The following ELP3 variants were observed in gnomAD, a reference collection of about 807,000 sequenced individuals.
ELP3 encodes elongator acetyltransferase complex subunit 3.
A neutral mutation model predicts 74.9 loss-of-function variants in ELP3; 56 were observed. The ratio of observed to expected loss-of-function variants is 0.75; its 90% CI spans 0.60 to 0.93. The LOEUF is 0.93. ELP3 is among the 40% of genes least tolerant of loss of function. The pLI, the probability that ELP3 is intolerant of heterozygous loss-of-function variation, is 0.00. For missense variants in ELP3, 573 were observed against 686.5 expected, an observed-to-expected ratio of 0.83 and a Z score of 1.85; for synonymous variants, 222 against 239.8, an observed-to-expected ratio of 0.93 and a Z score of 0.68.
chr8:28,151,569 T>A (rs977160277), intron 10 of ELP3, among the ~76,000 whole-genome samples: 1 of 152,220 alleles, frequency 6.6e-6, no homozygotes, highest in Non-Finnish European at 1.5e-5. Flanking sequence ...AGTAACCCGA[T>A]GGTAAGATGA....
chr8:28,178,025 G>C (rs1447196179), intron 14 of ELP3, among the ~76,000 whole-genome samples: 1 of 152,190 alleles, frequency 6.6e-6, no homozygotes, highest in East Asian at 1.9e-4. Flanking sequence ...ACATAGTTGA[G>C]ATTATTTAAT....
At chr8:28,143,308 G>C (rs1045925513) in intron 10 of ELP3, among the ~76,000 whole-genome samples, 7 of 152,056 alleles carry the variant, frequency 4.6e-5, no homozygotes, top group Non-Finnish European at 4.4e-5. Flanking sequence ...ACAGTCTGTA[G>C]AATATTACTA....
chr8:28,176,904 A>G (rs562339800), intron 14 of ELP3, among the ~76,000 whole-genome samples: 1 of 152,298 alleles, frequency 6.6e-6, no homozygotes, highest in South Asian at 2.1e-4. Flanking sequence ...GGGCCATCCT[A>G]TGTCACATCA....
chr8:28,102,555 C>T (rs1038949937), intron 3 of ELP3, among the ~76,000 whole-genome samples: 2 of 152,164 alleles, frequency 1.3e-5, no homozygotes, highest in African/African-American at 4.8e-5. Flanking sequence ...CTGCCATTCT[C>T]ACCTCCATGC....
At chr8:28,149,837 G>A (rs977152954) in intron 10 of ELP3, among the ~76,000 whole-genome samples, 12 of 151,938 alleles carry the variant, frequency 7.9e-5, no homozygotes, top group Non-Finnish European at 1.3e-4. Flanking sequence ...TGCTGCCCTC[G>A]TTCTTTGTTT....
intron 14 of ELP3, among the ~76,000 whole-genome samples, chr8:28,165,743 A>C (rs1814280651): frequency 6.6e-6 from 1 of 152,208 alleles, no homozygotes; most frequent in Non-Finnish European, 1.5e-5. Flanking sequence ...GCCTCTAGAC[A>C]ATATTATGAA....
At chr8:28,187,613 C>T (rs1057468686) in intron 14 of ELP3, among the ~76,000 whole-genome samples, 4 of 152,196 alleles carry the variant, frequency 2.6e-5, no homozygotes, top group African/African-American at 7.2e-5. Context: ...TCCCTAGAAT[C>T]CTGTCCCCCC....
At chr8:28,128,124 C>A (rs191761023) in intron 7 of ELP3, among the ~76,000 whole-genome samples, 1 of 152,052 alleles carries the variant, frequency 6.6e-6, no homozygotes, top group Non-Finnish European at 1.5e-5. Context: ...ATCCTCCCCC[C>A]AAAATTGAGA....
intron 7 of ELP3, among the ~76,000 whole-genome samples, chr8:28,123,277 G>A (rs1396107708): frequency 1.3e-5 from 2 of 152,278 alleles, no homozygotes; most frequent in South Asian, 4.1e-4. Flanking sequence ...TTTGATCCAT[G>A]GAATGTATAG....
intron 9 of ELP3, among the ~76,000 whole-genome samples, chr8:28,135,810 T>A (rs1395046276): frequency 6.6e-6 from 1 of 152,204 alleles, no homozygotes; most frequent in Non-Finnish European, 1.5e-5. Context: ...TGTCTCCTTT[T>A]GCTATTTTCT....
intron 10 of ELP3, among the ~76,000 whole-genome samples, chr8:28,154,282 C>A (rs1813746496): frequency 6.6e-6 from 1 of 152,118 alleles, no homozygotes; most frequent in Non-Finnish European, 1.5e-5. Context: ...CTCACAGGAA[C>A]CTAACCCTGT....
chr8:28,189,237 G>A (rs1292362065), intron 14 of ELP3, among the ~76,000 whole-genome samples: 4 of 152,206 alleles, frequency 2.6e-5, no homozygotes, highest in Admixed American at 6.5e-5. Flanking sequence ...CTGGGAAACC[G>A]TCTATCGTTT....
chr8:28,096,096 G>T (rs559625973), intron 1 of ELP3, among the ~76,000 whole-genome samples: 1 of 152,160 alleles, frequency 6.6e-6, no homozygotes, highest in Non-Finnish European at 1.5e-5. Context: ...GTTGTGAACC[G>T]TGCATGTGGT....
At chr8:28,121,187 A>C (rs372135537) in intron 7 of ELP3, among the ~76,000 whole-genome samples, 1 of 152,246 alleles carries the variant, frequency 6.6e-6, no homozygotes, top group East Asian at 1.9e-4. Context: ...TAGGTTTTTA[A>C]ATTCTCTTAG....
intron 2 of ELP3, 83 bp from the exon 3 acceptor site, chr8:28,099,742 TTAA>T: frequency 6.9e-7 from 1 of 1,440,476 alleles, no homozygotes; most frequent in Non-Finnish European, 9.7e-7. Flanking sequence ...GTGACAGTTG[TTAA>T]TGATGTTGTT....
intron 7 of ELP3, among the ~76,000 whole-genome samples, chr8:28,120,686 A>ATGTGAAGCT (rs1183836943): frequency 5.9e-5 from 9 of 152,190 alleles, no homozygotes; most frequent in Non-Finnish European, 1.3e-4. Context: ...GCTTTCACTT[A>ATGTGAAGCT]CAGGTTTATG....
Position 28,175,287 on chromosome 8 carries a change from A to G in ELP3, c.1567+13209A>G, listed in dbSNP as rs146219168. On this transcript the variant is annotated intron_variant, in intron 14 of 14. Transcript: ENST00000256398. ...AGCAATGCATATATTGGTATGCTTGATGGTATCCCCCACGTCTTTTATTTT... is the reference window on the plus strand; with the variant it reads ...AGCAATGCATATATTGGTATGCTTGGTGGTATCCCCCACGTCTTTTATTTT... Among the ~76,000 whole-genome samples, 58 of 152,152 alleles carry G rather than the reference A, an allele frequency of 3.8e-4. No individual in the cohort carries two copies. The East Asian group carries it at 0.011, about 28-fold the overall frequency.
chr8:28,122,915 G>A (rs958828377), intron 7 of ELP3, among the ~76,000 whole-genome samples: 3 of 152,198 alleles, frequency 2.0e-5, no homozygotes, highest in Non-Finnish European at 2.9e-5. Context: ...CCTGAGGTCA[G>A]GAGTTCGAGA....
At chr8:28,117,078 A>G (rs1266912704) in intron 7 of ELP3, among the ~76,000 whole-genome samples, 1 of 151,998 alleles carries the variant, frequency 6.6e-6, no homozygotes, top group Non-Finnish European at 1.5e-5. Context: ...CTTAATATGT[A>G]AGGTCTTCTT....
Sources: gnomAD v4.1 joint callset for allele counts (sites outside exome capture counted in the v4.1 genomes callset) on GRCh38, gnomAD v4.1.1 for gene constraint, MANE v1.5 for transcripts, NCBI Gene and HGNC (gene_info 2026-07-23, HGNC 2026-07-21) for gene names.